The following SDK1 variants were observed in gnomAD, a reference collection of about 807,000 sequenced individuals.
SDK1 encodes the protein protein sidekick-1.
Under a neutral mutation model 245.5 loss-of-function variants are expected in SDK1, and 157 were observed. The observed-to-expected ratio is 0.64, with a 90% confidence interval of 0.56 to 0.73. The LOEUF is 0.73. Ranked by LOEUF, SDK1 falls within the 30% of genes least tolerant of loss-of-function variation. The pLI, the probability that SDK1 is intolerant of heterozygous loss-of-function variation, is 0.00. For missense variants in SDK1, 3,583 were observed against 3,002.3 expected (o/e 1.19, Z -4.52); for synonymous variants, 1,647 against 1,278.5 (o/e 1.29, Z -6.15).
intron 44 of SDK1, among the ~76,000 whole-genome samples, chr7:4,248,677 AATACATGCACACAC>A (rs1231443693): frequency 1.3e-5 from 2 of 151,798 alleles, no homozygotes; most frequent in East Asian, 1.9e-4. Context: ...TACACACCTG[AATACATGCACACAC>A]ATACATGCAC....
chr7:4,009,803 G>A (rs992044487), intron 14 of SDK1, among the ~76,000 whole-genome samples: 1 of 152,246 alleles, frequency 6.6e-6, no homozygotes, highest in African/African-American at 2.4e-5. Context: ...TTTCCTTTGA[G>A]AGTCTCATTT....
At chr7:3,823,624 TGAAAGCTACTC>T in intron 5 of SDK1, among the ~76,000 whole-genome samples, 1 of 152,362 alleles carries the variant, frequency 6.6e-6, no homozygotes, top group African/African-American at 2.4e-5. Flanking sequence ...AAAAGTATAT[TGAAAGCTACTC>T]ATAAATATTA....
Position 3,416,438 on chromosome 7 carries a change from A to G in SDK1, c.298+114554A>G, listed in dbSNP as rs186614328. On this transcript the variant is annotated intron_variant, in intron 1 of 44. Transcript: ENST00000404826. Reference sequence around the variant, plus strand: ...GCTTGACATTAATATGAGTGAAGTCACTGTATTTCCACATGGCTTTCGTTC... The same window carrying G: ...GCTTGACATTAATATGAGTGAAGTCGCTGTATTTCCACATGGCTTTCGTTC... Among the ~76,000 whole-genome samples the G allele has an allele frequency of 6.4e-4, 95 of 149,240 alleles. 1 individual carries two copies. The highest frequency in any genetic ancestry group is 2.1e-3 in the African/African-American group (87 of 40,566).
intron 22 of SDK1, among the ~76,000 whole-genome samples, chr7:4,101,083 G>A (rs761360786): frequency 5.9e-5 from 9 of 152,098 alleles, no homozygotes; most frequent in East Asian, 1.9e-4. Flanking sequence ...CCTGGGCCCC[G>A]AAAACCAACA....
At chr7:3,811,069 T>C (rs1288426969) in intron 4 of SDK1, among the ~76,000 whole-genome samples, 1 of 152,206 alleles carries the variant, frequency 6.6e-6, no homozygotes, top group Admixed American at 6.5e-5. Context: ...GTTTTCTTAC[T>C]TGCCAGTCAC....
chr7:3,492,184 A>C (rs1013601955), intron 1 of SDK1, among the ~76,000 whole-genome samples: 1 of 152,242 alleles, frequency 6.6e-6, no homozygotes, highest in Non-Finnish European at 1.5e-5. Flanking sequence ...AGCATTTTCA[A>C]AATGCTCCTT....
chr7:4,149,552 G>T, intron 30 of SDK1, 89 bp downstream of exon 30: 4 of 879,820 alleles, frequency 4.5e-6, no homozygotes, highest in Non-Finnish European at 6.4e-6. Context: ...AGGCTGTGTG[G>T]GCCAAGCAGG....
rs767685275 is a variant in SDK1 at position 3,962,648 on chromosome 7, C to G, written c.1235-9C>G. On this transcript the variant is annotated splice_polypyrimidine_tract_variant and intron_variant, in intron 8 of 44. Transcript: ENST00000404826. ...TTTTAAAATCCTATTTATTCCCATT[C>G]CTACGCAGGGGTCCCCCTTCCCACC... is the stretch of plus-strand genomic sequence containing the variant. The G allele has an allele frequency of 6.3e-7, 1 of 1,593,952 alleles. No homozygotes were observed. The highest frequency in any genetic ancestry group is 8.6e-7 in the Non-Finnish European group (1 of 1,168,398).
At chr7:3,510,932 G>A (rs544380277) in intron 1 of SDK1, among the ~76,000 whole-genome samples, 14 of 152,280 alleles carry the variant, frequency 9.2e-5, no homozygotes, top group African/African-American at 2.9e-4. Context: ...ATTTCCTTCC[G>A]TGGGAAGCCA....
In SDK1 at chr7:4,268,105, CCGCT is replaced by C. The variant is rs1249207917; in HGVS notation, c.*2723_*2726del. On this transcript the variant is annotated 3_prime_UTR_variant, in exon 45 of 45. Coordinates refer to ENST00000404826, the MANE Select transcript of SDK1 (RefSeq NM_152744.4). ...AAGCCAGGCTAGATGGAATGTGCTC[CCGCT>C]CTCTCCTGCCGTGCTGAAAGTCATG... is the stretch of plus-strand genomic sequence containing the variant. 3.0e-6 allele frequency: 3 copies of C among 985,456 alleles called. No individual in the cohort carries two copies. The highest frequency in any genetic ancestry group is 3.6e-6 in the Non-Finnish European group (3 of 830,042). 61.0% of individuals were successfully genotyped at this position (985,456 alleles called of 1,614,324 possible).
chr7:4,194,226 G>A (rs117104394), intron 35 of SDK1, among the ~76,000 whole-genome samples: 150 of 146,642 alleles, frequency 1.0e-3, no homozygotes, highest in African/African-American at 3.5e-3. Context: ...ATGTATACAC[G>A]TATGTGTATA....
intron 1 of SDK1, among the ~76,000 whole-genome samples, chr7:3,319,370 A>C (rs1044635835): frequency 6.6e-6 from 1 of 152,064 alleles, no homozygotes; most frequent in African/African-American, 2.4e-5. Context: ...TAAGGGGTTG[A>C]GTGCCTGTAA....
At chr7:3,405,051 C>T (rs1320903875) in intron 1 of SDK1, among the ~76,000 whole-genome samples, 5 of 151,834 alleles carry the variant, frequency 3.3e-5, no homozygotes, top group Non-Finnish European at 5.9e-5. Flanking sequence ...TGACGATGTC[C>T]TACCTGAGGC....
At chr7:4,177,685 C>T (rs181531668) in intron 34 of SDK1, among the ~76,000 whole-genome samples, 7 of 152,326 alleles carry the variant, frequency 4.6e-5, no homozygotes, top group Non-Finnish European at 1.0e-4. Context: ...ACAATTTTTC[C>T]ATAGACCAGG....
At chr7:3,668,718 G>C (rs764793189) in intron 4 of SDK1, among the ~76,000 whole-genome samples, 1 of 152,258 alleles carries the variant, frequency 6.6e-6, no homozygotes, top group African/African-American at 2.4e-5. Context: ...TTGAACCTGG[G>C]AGGCGGAGTT....
intron 1 of SDK1, among the ~76,000 whole-genome samples, chr7:3,474,639 A>C (rs1781296607): frequency 6.6e-6 from 1 of 151,384 alleles, no homozygotes. Context: ...ATGTCTTTCC[A>C]CCTCTAATGT....
intron 5 of SDK1, among the ~76,000 whole-genome samples, chr7:3,881,141 C>T (rs1781199088): frequency 6.6e-6 from 1 of 151,930 alleles, no homozygotes; most frequent in East Asian, 1.9e-4. Context: ...GCATGAGGTG[C>T]AGGTTTGTTA....
intron 5 of SDK1, among the ~76,000 whole-genome samples, chr7:3,939,578 G>C (rs555553337): frequency 3.3e-5 from 5 of 152,212 alleles, no homozygotes; most frequent in Non-Finnish European, 5.9e-5. Context: ...TGGTGGGCTG[G>C]GGATGACCTG....
chr7:3,745,755 A>C (rs1221228159), intron 4 of SDK1, among the ~76,000 whole-genome samples: 1 of 152,240 alleles, frequency 6.6e-6, no homozygotes, highest in East Asian at 1.9e-4. Flanking sequence ...ATAATTAGCC[A>C]AGATAAGTAG....
Sources: gnomAD v4.1 joint callset for allele counts (sites outside exome capture counted in the v4.1 genomes callset) on GRCh38, gnomAD v4.1.1 for gene constraint, MANE v1.5 for transcripts, NCBI Gene and HGNC (gene_info 2026-07-23, HGNC 2026-07-21) for gene names.